The following TBC1D12 variants were observed in gnomAD, a reference collection of about 807,000 sequenced individuals.
The protein encoded by TBC1D12 is TBC1 domain family, member 12.
TBC1D12 carries 56 observed loss-of-function variants against 86.7 expected under a neutral mutation model. That is an observed-to-expected ratio of 0.65 (90% CI 0.52 to 0.81). TBC1D12 has a LOEUF of 0.81. TBC1D12 is among the 30% of genes least tolerant of loss of function. The pLI is 0.00. For synonymous variants in TBC1D12, 421 were observed against 411.7 expected, an observed-to-expected ratio of 1.02 and a Z score of -0.27; for missense variants, 1,023 against 1,038.8, an observed-to-expected ratio of 0.98 and a Z score of 0.21.
chr10:94,522,304 C>A (rs1196217695), intron 10 of TBC1D12, 40 bp from the exon 11 acceptor site: 1 of 1,186,098 alleles, frequency 8.4e-7, no homozygotes. Context: ...TATTTCTAGA[C>A]TATATACTTT....
chr10:94,508,254 TC>T (rs1187377984), intron 7 of TBC1D12, among the ~76,000 whole-genome samples: 61 of 152,120 alleles, frequency 4.0e-4, no homozygotes, highest in Non-Finnish European at 7.2e-4. Flanking sequence ...CTTTTTTTTT[TC>T]TTTTTTTGGT....
rs1365079564 is a variant in TBC1D12, at chr10:94,402,803, A to G, written c.190A>G (p.Thr64Ala). 2 of 1,539,048 alleles carry G rather than the reference A, an allele frequency of 1.3e-6. No individual in the cohort carries two copies. Among genetic ancestry groups the G allele is most frequent in the African/African-American group, 2.8e-5 (2 of 72,318 alleles). ...GGAGGAGGCTGACGAGGAGGAGGAGACGCCGCCTCGGCAGCTCCTTCAGCG... is the reference window on the plus strand; with the variant it reads ...GGAGGAGGCTGACGAGGAGGAGGAGGCGCCGCCTCGGCAGCTCCTTCAGCG... ...EEEEADEEEE[T>A]PPRQLLQRYL... Residue 64 changes from threonine (T) to alanine (A), a missense_variant, in exon 1 of 13, where the codon ACG becomes GCG. Physicochemically the swap from Thr to Ala is moderately conservative, Grantham distance 58 (BLOSUM62 0). This residue lies in a region of TBC1D12 where 628 missense variants were observed against 531.1 expected (regional missense o/e 1.18). Transcript: ENST00000225235.
At chr10:94,453,426 C>T (rs2055581658) in intron 2 of TBC1D12, among the ~76,000 whole-genome samples, 1 of 152,150 alleles carries the variant, frequency 6.6e-6, no homozygotes, top group Admixed American at 6.5e-5. Flanking sequence ...TGTGAGAGAA[C>T]ACATTCATAT....
rs1334125010 is a variant in TBC1D12, at chr10:94,459,638, G to A, written c.1096-15030G>A. On this transcript the variant is annotated intron_variant, in intron 2 of 12. Coordinates refer to ENST00000225235, the MANE Select transcript of TBC1D12 (RefSeq NM_015188.2). ...TGGCAGACTGCAGGTCCTGAGCCCT[G>A]CCCCGTGGGGAGGTGGCTGAGGCCC... Among the ~76,000 whole-genome samples the A allele has an allele frequency of 2.0e-5, 3 of 152,192 alleles. No homozygotes were observed. In the East Asian group the frequency reaches 5.8e-4, roughly 29 times the overall value.
At chr10:94,467,529 G>A (rs571128779) in intron 2 of TBC1D12, among the ~76,000 whole-genome samples, 34 of 152,256 alleles carry the variant, frequency 2.2e-4, no homozygotes, top group African/African-American at 8.2e-4. Context: ...ACTGTGCCCG[G>A]CCCTGTACTT....
At chr10:94,438,232 T>C (rs1378212380) in intron 1 of TBC1D12, among the ~76,000 whole-genome samples, 1 of 152,008 alleles carries the variant, frequency 6.6e-6, no homozygotes, top group Non-Finnish European at 1.5e-5. Flanking sequence ...TGTTTTTTGC[T>C]TGTTGAGGGC....
intron 1 of TBC1D12, among the ~76,000 whole-genome samples, chr10:94,436,794 CTT>C (rs879687862): frequency 7.0e-6 from 1 of 142,790 alleles, no homozygotes; most frequent in Non-Finnish European, 1.5e-5. Context: ...AGAAAAAAAT[CTT>C]TTTTTTTTTT....
At chr10:94,484,921 A>ACT (rs2056137141) in intron 3 of TBC1D12, among the ~76,000 whole-genome samples, 2 of 152,260 alleles carry the variant, frequency 1.3e-5, no homozygotes, top group South Asian at 4.1e-4. Flanking sequence ...GGCATGTAGA[A>ACT]ATGTTACTGA....
intron 11 of TBC1D12, among the ~76,000 whole-genome samples, chr10:94,522,690 G>C (rs991353648): frequency 6.6e-6 from 1 of 152,012 alleles, no homozygotes; most frequent in Non-Finnish European, 1.5e-5. Context: ...GAGGTGGGCG[G>C]ATCACCTGAG....
At chr10:94,520,342 C>T (rs948786690) in intron 9 of TBC1D12, among the ~76,000 whole-genome samples, 1 of 151,932 alleles carries the variant, frequency 6.6e-6, no homozygotes, top group African/African-American at 2.4e-5. Flanking sequence ...CACCTGAGGT[C>T]GGGAGTTCAA....
At chr10:94,426,707 G>C (rs1478955236) in intron 1 of TBC1D12, among the ~76,000 whole-genome samples, 1 of 152,022 alleles carries the variant, frequency 6.6e-6, no homozygotes, top group Admixed American at 6.6e-5. Flanking sequence ...CTCCCGAGTA[G>C]CTGGGATTAC....
intron 1 of TBC1D12, among the ~76,000 whole-genome samples, chr10:94,404,731 T>C (rs2054827884): frequency 6.6e-6 from 1 of 151,758 alleles, no homozygotes; most frequent in African/African-American, 2.4e-5. Context: ...GTTGATTTAA[T>C]AGGGATAAAT....
chr10:94,480,833 C>A (rs934680062), intron 3 of TBC1D12, among the ~76,000 whole-genome samples: 1 of 150,348 alleles, frequency 6.7e-6, no homozygotes, highest in Non-Finnish European at 1.5e-5. Flanking sequence ...GCCATGATCA[C>A]GCCACTGCAC....
intron 3 of TBC1D12, among the ~76,000 whole-genome samples, chr10:94,485,774 T>A (rs2056151763): frequency 6.6e-6 from 1 of 152,096 alleles, no homozygotes. Flanking sequence ...TGTAATTAAA[T>A]GTTTTGTTCC....
chr10:94,404,812 C>T lies in TBC1D12; in HGVS notation c.971+1228C>T, dbSNP rs144283217. Among the ~76,000 whole-genome samples, 124 of 151,760 alleles carry T rather than the reference C, an allele frequency of 8.2e-4. 1 individual carries two copies. The East Asian group carries it at 0.024, about 29-fold the overall frequency. On this transcript the variant is annotated intron_variant, in intron 1 of 12. Coordinates refer to ENST00000225235, the MANE Select transcript of TBC1D12 (RefSeq NM_015188.2). ...CCTGTAATCCCAGCACTTTGGGAGG[C>T]CGAGGTGGGTGGATCACCTGAGGTC...
chr10:94,467,209 G>A (rs2055837018), intron 2 of TBC1D12, among the ~76,000 whole-genome samples: 1 of 152,098 alleles, frequency 6.6e-6, no homozygotes, highest in African/African-American at 2.4e-5. Context: ...CTTTGCACAA[G>A]TGTGTAGTCG....
chr10:94,429,181 T>C (rs942809093), intron 1 of TBC1D12, among the ~76,000 whole-genome samples: 14 of 152,140 alleles, frequency 9.2e-5, no homozygotes, highest in Admixed American at 2.6e-4. Context: ...AGCCTTGTAA[T>C]TTCTCTTGTT....
intron 9 of TBC1D12, among the ~76,000 whole-genome samples, chr10:94,513,119 C>T (rs189875707): frequency 1.2e-4 from 19 of 152,090 alleles, no homozygotes; most frequent in Admixed American, 3.9e-4. Context: ...TGGTGGCACG[C>T]GCCTGTTATC....
chr10:94,452,581 T>C lies in TBC1D12; in HGVS notation c.1095+10562T>C, dbSNP rs528423614. Among the ~76,000 whole-genome samples, 3 of 152,276 alleles carry C rather than the reference T, an allele frequency of 2.0e-5. No homozygotes were observed. The South Asian group carries it at 6.2e-4, about 32-fold the overall frequency. On this transcript the variant is annotated intron_variant, in intron 2 of 12. Transcript: ENST00000225235. ...GTTTCTTTCACTTAGTAATATACAT[T>C]TATATTTCTTCCATGCCTTTCCATG...
Sources: gnomAD v4.1 joint callset for allele counts (sites outside exome capture counted in the v4.1 genomes callset) on GRCh38, gnomAD v4.1.1 for gene constraint, gnomAD v4.1.1 regional missense constraint, MANE v1.5 for transcripts, NCBI Gene and HGNC (gene_info 2026-07-23, HGNC 2026-07-21) for gene names.